SPATA17: variants seen among roughly 807,000 people sequenced by gnomAD.
The protein encoded by SPATA17 is spermatogenesis associated 17.
Under a neutral mutation model 62.2 loss-of-function variants are expected in SPATA17, and 53 were observed. The ratio of observed to expected loss-of-function variants is 0.85; its 90% CI spans 0.68 to 1.07. The LOEUF (loss-of-function observed/expected upper bound fraction) is 1.07. Among genes scored for constraint, SPATA17 ranks in the 50% least tolerant of loss-of-function variants. The pLI, the probability that SPATA17 is intolerant of heterozygous loss-of-function variation, is 0.00. For synonymous variants in SPATA17, 146 were observed against 146.8 expected (o/e 0.99, Z 0.04); for missense variants, 466 against 425.5 (o/e 1.10, Z -0.84).
At position 217,748,176 on chromosome 1, in the gene SPATA17, G is replaced by A. The variant is rs1043792373; in HGVS notation, c.519+6078G>A. Reference sequence around the variant, plus strand: ...AAATTAGCCAGGCATGGTGGCGAGCGCCTGTAGTCCCAGCTACTCGGGAGG... The same window carrying A: ...AAATTAGCCAGGCATGGTGGCGAGCACCTGTAGTCCCAGCTACTCGGGAGG... On this transcript the variant is annotated intron_variant, in intron 6 of 10. Transcript: ENST00000366933. 1.7e-4 allele frequency among the ~76,000 whole-genome samples: 26 copies of A among 151,542 alleles called. 1 individual carries two copies. Among genetic ancestry groups the A allele is most frequent in the Admixed American group, 1.2e-3 (19 of 15,216 alleles).
At chr1:217,639,990 A>G (rs1270315645) in intron 1 of SPATA17, among the ~76,000 whole-genome samples, 1 of 151,834 alleles carries the variant, frequency 6.6e-6, no homozygotes, top group Non-Finnish European at 1.5e-5. Context: ...AAATTTATTC[A>G]TCTGACTTTA....
At chr1:217,748,593 AAAT>A (rs1672822671) in intron 6 of SPATA17, among the ~76,000 whole-genome samples, 1 of 151,572 alleles carries the variant, frequency 6.6e-6, no homozygotes, top group South Asian at 2.1e-4. Context: ...AAGTATAAAA[AAAT>A]TAGTTGGATG....
chr1:217,753,531 C>T lies in SPATA17; in HGVS notation c.519+11433C>T, dbSNP rs578232931. Among the ~76,000 whole-genome samples, 11 of 151,678 alleles carry T rather than the reference C, an allele frequency of 7.3e-5. No homozygotes were observed. The South Asian group carries it at 8.3e-4, about 11-fold the overall frequency. ...TCAGTTTATTTTCATTTAGTAGATT[C>T]GGTGCCTTTTTTTAATTAACTTATT... is the stretch of plus-strand genomic sequence containing the variant. On this transcript the variant is annotated intron_variant, in intron 6 of 10. Coordinates refer to ENST00000366933, the MANE Select transcript of SPATA17 (RefSeq NM_138796.4).
intron 9 of SPATA17, among the ~76,000 whole-genome samples, chr1:217,810,219 G>C (rs1674552659): frequency 6.6e-6 from 1 of 151,972 alleles, no homozygotes; most frequent in South Asian, 2.1e-4. Flanking sequence ...GAAACTTTTG[G>C]ATACACAGTA....
intron 9 of SPATA17, among the ~76,000 whole-genome samples, chr1:217,832,916 C>G (rs1031914794): frequency 6.6e-5 from 10 of 151,706 alleles, no homozygotes; most frequent in African/African-American, 2.4e-4. Flanking sequence ...TGCATTCCAG[C>G]CTGTGTAACA....
intron 1 of SPATA17, among the ~76,000 whole-genome samples, chr1:217,640,955 C>A (rs1443547741): frequency 6.6e-6 from 1 of 151,928 alleles, no homozygotes; most frequent in East Asian, 1.9e-4. Flanking sequence ...GAAATAGAAT[C>A]TTTTTTCTCT....
chr1:217,720,620 T>G (rs1672103103), intron 5 of SPATA17, among the ~76,000 whole-genome samples: 1 of 152,128 alleles, frequency 6.6e-6, no homozygotes, highest in Non-Finnish European at 1.5e-5. Flanking sequence ...TCGTAAGGCC[T>G]TGTCTCTAAA....
chr1:217,651,883 A>C (rs1457042006), intron 3 of SPATA17, among the ~76,000 whole-genome samples: 1 of 152,184 alleles, frequency 6.6e-6, no homozygotes, highest in Non-Finnish European at 1.5e-5. Flanking sequence ...ATTAAAAGTA[A>C]CCGTCGTACT....
intron 4 of SPATA17, among the ~76,000 whole-genome samples, chr1:217,676,075 A>G (rs1024427985): frequency 2.6e-5 from 4 of 152,186 alleles, no homozygotes; most frequent in Admixed American, 2.6e-4. Flanking sequence ...ATTAAGTGAC[A>G]ATTAACTAAG....
chr1:217,786,763 T>TTCTTCC (rs1673878063), intron 8 of SPATA17, among the ~76,000 whole-genome samples: 1 of 87,440 alleles, frequency 1.1e-5, no homozygotes, highest in African/African-American at 4.7e-5. Flanking sequence ...CTTCTTCTTC[T>TTCTTCC]TCTTCTTCTT....
chr1:217,665,479 G>A (rs1470821700), intron 3 of SPATA17: 1 of 152,194 alleles, frequency 6.6e-6, no homozygotes, highest in African/African-American at 2.4e-5. Flanking sequence ...GAAGACTGTA[G>A]GTTGTTCAGT....
chr1:217,746,291 A>T (rs1396233927), intron 6 of SPATA17, among the ~76,000 whole-genome samples: 3 of 151,984 alleles, frequency 2.0e-5, no homozygotes, highest in Admixed American at 2.0e-4. Flanking sequence ...AGCTTTATTG[A>T]TCTGCTTAAA....
Position 217,774,522 on chromosome 1 carries a change from T to C in SPATA17, c.708T>C (p.Asn236=). 6.2e-7 allele frequency: 1 copy of C among 1,613,750 alleles called. No individual in the cohort carries two copies. The highest frequency in any genetic ancestry group is 8.5e-7 in the Non-Finnish European group (1 of 1,179,744). ...GGTCTGAAATTCTACCACCTATTAA[T>C]AGAAAGCAATGTCAGGTACTAGTTT... The part of the protein sequence containing the change: ...FPRSEILPPI[N]RKQCQGPFRD... The change falls in exon 7 of 11, where the codon AAT becomes AAC. Residue 236 remains asparagine (N), a synonymous_variant. Coordinates refer to ENST00000366933, the MANE Select transcript of SPATA17 (RefSeq NM_138796.4).
chr1:217,726,136 C>A (rs1672252369), intron 5 of SPATA17, among the ~76,000 whole-genome samples: 1 of 152,104 alleles, frequency 6.6e-6, no homozygotes, highest in Non-Finnish European at 1.5e-5. Context: ...TGTTTTCTTG[C>A]TCAGTCATTC....
At chr1:217,849,248 T>C (rs896454504) in intron 9 of SPATA17, among the ~76,000 whole-genome samples, 5 of 152,176 alleles carry the variant, frequency 3.3e-5, no homozygotes, top group African/African-American at 4.8e-5. Context: ...TTCCTTGTCC[T>C]GCCTGAGCCA....
chr1:217,756,490 A>C (rs1046224902), intron 6 of SPATA17, among the ~76,000 whole-genome samples: 16 of 152,206 alleles, frequency 1.1e-4, no homozygotes, highest in African/African-American at 3.6e-4. Flanking sequence ...CTTCCCGTTT[A>C]TGGATGGTTT....
intron 5 of SPATA17, among the ~76,000 whole-genome samples, chr1:217,723,613 G>C (rs1283957108): frequency 6.6e-6 from 1 of 152,036 alleles, no homozygotes; most frequent in East Asian, 1.9e-4. Context: ...AAACATAGTG[G>C]GAACTCAAGC....
intron 8 of SPATA17, among the ~76,000 whole-genome samples, chr1:217,798,503 G>A (rs971404411): frequency 1.1e-4 from 17 of 152,292 alleles, no homozygotes; most frequent in African/African-American, 3.9e-4. Flanking sequence ...TCATAAATAT[G>A]AAATCTCTTC....
Position 217,774,444 on chromosome 1 carries a change from C to G in SPATA17, c.630C>G (p.Asp210Glu). The part of the protein sequence containing the change: ...THRRPKVKQK[D>E]STSLTDWLAC... ...GAAGACCTAAAGTTAAGCAGAAGGA[C>G]TCCACCAGCCTTACTGATTGGCTAG... Residue 210 changes from aspartate to glutamate, a missense_variant, in exon 7 of 11, where the codon GAC (aspartate) becomes GAG (glutamate). Coordinates refer to ENST00000366933, the MANE Select transcript of SPATA17 (RefSeq NM_138796.4). 2.5e-6 allele frequency: 4 copies of G among 1,614,118 alleles called. No individual in the cohort carries two copies. Among genetic ancestry groups the G allele is most frequent in the Non-Finnish European group, 3.4e-6 (4 of 1,179,996 alleles).
Sources: gnomAD v4.1 joint callset for allele counts (sites outside exome capture counted in the v4.1 genomes callset) on GRCh38, gnomAD v4.1.1 for gene constraint, MANE v1.5 for transcripts, NCBI Gene and HGNC (gene_info 2026-07-23, HGNC 2026-07-21) for gene names.